The following DLG2 variants were observed in gnomAD, a reference collection of about 807,000 sequenced individuals.
DLG2 encodes the protein discs large MAGUK scaffold protein 2, also known as disks large homolog 2.
In DLG2, 45 loss-of-function variants were observed where a neutral mutation model predicts 132.5. That is an observed-to-expected ratio of 0.34 (90% CI 0.27 to 0.44). The LOEUF (loss-of-function observed/expected upper bound fraction) is 0.44. Ranked by LOEUF, DLG2 falls within the 20% of genes least tolerant of loss-of-function variation. The pLI is 1.00. For missense variants in DLG2, 1,045 were observed against 1,196.9 expected, an observed-to-expected ratio of 0.87 and a Z score of 1.87; for synonymous variants, 424 against 419.6, an observed-to-expected ratio of 1.01 and a Z score of -0.13.
chr11:84,903,278 T>C (rs1207924112), intron 6 of DLG2, among the ~76,000 whole-genome samples: 1 of 152,198 alleles, frequency 6.6e-6, no homozygotes, highest in East Asian at 1.9e-4. Flanking sequence ...AGTAGACATA[T>C]ATGCTATTTC....
intron 21 of DLG2, among the ~76,000 whole-genome samples, chr11:83,501,424 T>C (rs980408175): frequency 6.6e-6 from 1 of 152,060 alleles, no homozygotes; most frequent in Non-Finnish European, 1.5e-5. Flanking sequence ...AGCCCACCAA[T>C]GTCCACAGGG....
chr11:85,130,721 T>G (rs1285224101), intron 5 of DLG2, among the ~76,000 whole-genome samples: 1 of 152,154 alleles, frequency 6.6e-6, no homozygotes, highest in Non-Finnish European at 1.5e-5. Flanking sequence ...TAATTAAAAT[T>G]TCCAAATTGT....
chr11:84,547,740 C>G (rs1235980642), intron 6 of DLG2, among the ~76,000 whole-genome samples: 1 of 152,094 alleles, frequency 6.6e-6, no homozygotes, highest in African/African-American at 2.4e-5. Flanking sequence ...GCATGTATGT[C>G]TCTGCCATTC....
chr11:83,944,180 C>T (rs1350918352), intron 14 of DLG2, among the ~76,000 whole-genome samples: 2 of 152,178 alleles, frequency 1.3e-5, no homozygotes, highest in African/African-American at 2.4e-5. Context: ...GGGAAATAGA[C>T]ACTCTTCCCT....
intron 6 of DLG2, among the ~76,000 whole-genome samples, chr11:84,672,025 T>C (rs1027087474): frequency 6.6e-6 from 1 of 152,170 alleles, no homozygotes; most frequent in African/African-American, 2.4e-5. Flanking sequence ...AGAACCTCAT[T>C]TGAACAGTCC....
At chr11:84,727,627 C>A (rs1306508021) in intron 6 of DLG2, among the ~76,000 whole-genome samples, 2 of 151,714 alleles carry the variant, frequency 1.3e-5, no homozygotes, top group East Asian at 3.9e-4. Context: ...TTTTCCAATT[C>A]TGTGAAGAAA....
At chr11:83,851,224 C>T (rs1370878292) in intron 16 of DLG2, among the ~76,000 whole-genome samples, 1 of 151,694 alleles carries the variant, frequency 6.6e-6, no homozygotes, top group African/African-American at 2.4e-5. Flanking sequence ...CCCAATACCC[C>T]AGAATGTGAC....
chr11:84,127,204 G>A (rs1006790936), intron 9 of DLG2, among the ~76,000 whole-genome samples: 4 of 152,118 alleles, frequency 2.6e-5, no homozygotes, highest in South Asian at 2.1e-4. Flanking sequence ...CAGAGAGTGC[G>A]CCAAACCACT....
chr11:84,924,562 G>T (rs942142251), intron 6 of DLG2, among the ~76,000 whole-genome samples: 24 of 152,292 alleles, frequency 1.6e-4, no homozygotes, highest in Admixed American at 1.4e-3. Flanking sequence ...GAGGAAGAAA[G>T]GTATTTCAGG....
At chr11:84,096,601 T>A (rs1008811932) in intron 10 of DLG2, among the ~76,000 whole-genome samples, 3 of 152,132 alleles carry the variant, frequency 2.0e-5, no homozygotes, top group Admixed American at 2.0e-4. Context: ...AACAGAGTGG[T>A]GAAAAATTAT....
chr11:84,295,913 T>C (rs899283515), intron 7 of DLG2, among the ~76,000 whole-genome samples: 10 of 152,214 alleles, frequency 6.6e-5, no homozygotes, highest in Non-Finnish European at 1.2e-4. Flanking sequence ...AAGGCAACTA[T>C]AATGGTATTC....
At chr11:84,708,851 G>C (rs1003829038) in intron 6 of DLG2, among the ~76,000 whole-genome samples, 1 of 151,888 alleles carries the variant, frequency 6.6e-6, no homozygotes, top group Admixed American at 6.6e-5. Context: ...AATTAGGCAG[G>C]CCTGCAGAAT....
At chr11:83,614,637 T>C (rs904794897) in intron 19 of DLG2, among the ~76,000 whole-genome samples, 11 of 152,066 alleles carry the variant, frequency 7.2e-5, no homozygotes, top group African/African-American at 2.7e-4. Context: ...GAAGATCACC[T>C]GAGCCTGGGG....
chr11:83,842,772 C>T (rs1459383439), intron 16 of DLG2, among the ~76,000 whole-genome samples: 52 of 147,820 alleles, frequency 3.5e-4, no homozygotes, highest in African/African-American at 1.2e-3. Flanking sequence ...GCTGAGATCA[C>T]GCCACTGCAC....
At chr11:84,592,734 A>G (rs559530594) in intron 6 of DLG2, among the ~76,000 whole-genome samples, 1 of 151,942 alleles carries the variant, frequency 6.6e-6, no homozygotes, top group South Asian at 2.1e-4. Flanking sequence ...ATCACTGGTC[A>G]TGAGAGAAAG....
Position 85,267,593 on chromosome 11 carries a change from A to G in DLG2, c.186+17627T>C, listed in dbSNP as rs184795238. Among the ~76,000 whole-genome samples, 24 of 152,278 alleles carry G rather than the reference A, an allele frequency of 1.6e-4. 1 individual carries two copies. Among genetic ancestry groups the G allele is most frequent in the African/African-American group, 4.6e-4 (19 of 41,566 alleles). Reference sequence around the variant, plus strand: ...ATCTGACACAGTAACACCAAAACCAACTCAAACTAGACAAACACCTGTCTA... The same window carrying G: ...ATCTGACACAGTAACACCAAAACCAGCTCAAACTAGACAAACACCTGTCTA... On this transcript the variant is annotated intron_variant, in intron 4 of 27. Transcript: ENST00000376104.
intron 3 of DLG2, among the ~76,000 whole-genome samples, chr11:85,592,503 C>T (rs2079425966): frequency 6.6e-6 from 1 of 152,164 alleles, no homozygotes; most frequent in Non-Finnish European, 1.5e-5. Flanking sequence ...CCAGCAACAA[C>T]ATATCAATGT....
chr11:83,850,897 C>A (rs1031507340), intron 16 of DLG2, among the ~76,000 whole-genome samples: 1 of 152,078 alleles, frequency 6.6e-6, no homozygotes, highest in Non-Finnish European at 1.5e-5. Context: ...AATTTTGAGG[C>A]CGGGCGCGGT....
chr11:84,222,897 C>T (rs1266142537), intron 8 of DLG2, among the ~76,000 whole-genome samples: 2 of 152,150 alleles, frequency 1.3e-5, no homozygotes, highest in African/African-American at 4.8e-5. Flanking sequence ...AAATCCTTGG[C>T]TAATGTGTGG....
Sources: gnomAD v4.1 joint callset for allele counts (sites outside exome capture counted in the v4.1 genomes callset) on GRCh38, gnomAD v4.1.1 for gene constraint, MANE v1.5 for transcripts, NCBI Gene and HGNC (gene_info 2026-07-23, HGNC 2026-07-21) for gene names.